DACH1: variants seen among roughly 807,000 people sequenced by gnomAD.
DACH1 encodes dachshund homolog 1.
DACH1 carries 12 observed loss-of-function variants against 54.2 expected under a neutral mutation model. That is an observed-to-expected ratio of 0.22 (90% CI 0.14 to 0.36). DACH1 has a LOEUF of 0.36. Among genes scored for constraint, DACH1 ranks in the 10% least tolerant of loss-of-function variants. The probability of loss-of-function intolerance (pLI) is 1.00; values close to 1 mark genes in which losing one functional copy is unlikely to be tolerated. For synonymous variants in DACH1, 386 were observed against 366.2 expected (o/e 1.05, Z -0.62); for missense variants, 805 against 929.8 (o/e 0.87, Z 1.75).
At position 71,477,104 on chromosome 13, in the gene DACH1, A is replaced by T. The variant is rs867970513; in HGVS notation, c.1871-1255T>A. ...ATTATATATATATATATATATATATATTTTTTTTTTTTTTTTTTTTTTTTT... is the reference window on the plus strand; with the variant it reads ...ATTATATATATATATATATATATATTTTTTTTTTTTTTTTTTTTTTTTTTT... On this transcript the variant is annotated intron_variant, in intron 8 of 10. Coordinates refer to ENST00000613252, the MANE Select transcript of DACH1 (RefSeq NM_080759.6). Among the ~76,000 whole-genome samples the T allele has an allele frequency of 5.3e-3, 228 of 43,250 alleles. 15 individuals are homozygous for T. The highest frequency in any genetic ancestry group is 0.018 in the African/African-American group (214 of 11,642). The allele number at this position is 43,250 out of a possible 152,430, so 28.4% of individuals were successfully genotyped here. A position where few individuals can be genotyped will look rare whatever the true frequency, so the allele number is the denominator to read the frequency against.
At chr13:71,641,192 A>T (rs933539000) in intron 2 of DACH1, among the ~76,000 whole-genome samples, 7 of 152,120 alleles carry the variant, frequency 4.6e-5, no homozygotes, top group African/African-American at 1.7e-4. Context: ...ATGTTTTTCA[A>T]GGAAAAGACT....
chr13:71,559,819 C>T lies in DACH1; in HGVS notation c.1435+1G>A. 6.2e-7 allele frequency: 1 copy of T among 1,613,658 alleles called. No individual in the cohort carries two copies. On this transcript the variant is annotated splice_donor_variant, in intron 5 of 10. Coordinates refer to ENST00000613252, the MANE Select transcript of DACH1 (RefSeq NM_080759.6). LOFTEE classifies it high-confidence loss of function. ...GTGACAAGTAGAAGTATGAGACCTA[C>T]GGATTCTGTCAGAAGAGCTCTCAGT...
At chr13:71,828,568 A>C (rs571876959) in intron 1 of DACH1, among the ~76,000 whole-genome samples, 4 of 152,150 alleles carry the variant, frequency 2.6e-5, no homozygotes, top group Admixed American at 2.6e-4. Flanking sequence ...TCAACCATGA[A>C]ACATTAGCGT....
At chr13:71,524,362 A>G (rs1881808792) in intron 6 of DACH1, among the ~76,000 whole-genome samples, 1 of 152,174 alleles carries the variant, frequency 6.6e-6, no homozygotes, top group African/African-American at 2.4e-5. Context: ...ATTTCAATTA[A>G]TACAGGAAAT....
intron 10 of DACH1, among the ~76,000 whole-genome samples, chr13:71,468,838 T>C (rs1433295789): frequency 6.6e-6 from 1 of 152,176 alleles, no homozygotes; most frequent in African/African-American, 2.4e-5. Context: ...TAGAGTGGGG[T>C]TTCCCCCAGT....
intron 1 of DACH1, among the ~76,000 whole-genome samples, chr13:71,738,779 T>A (rs1286278610): frequency 4.4e-5 from 3 of 67,780 alleles, no homozygotes; most frequent in African/African-American, 4.5e-5. Flanking sequence ...AACTATCAAA[T>A]GCTCAAGAAA....
At chr13:71,673,413 T>C (rs1181411927) in intron 2 of DACH1, among the ~76,000 whole-genome samples, 2 of 152,030 alleles carry the variant, frequency 1.3e-5, no homozygotes, top group Non-Finnish European at 2.9e-5. Flanking sequence ...TTCAGTTAAC[T>C]TAAGAAATAT....
intron 10 of DACH1, chr13:71,464,720 G>T (rs867963355): frequency 2.2e-6 from 1 of 454,692 alleles, no homozygotes; most frequent in Non-Finnish European, 4.4e-6. Flanking sequence ...CTGTTTTGAT[G>T]TATAATCTTG....
chr13:71,568,777 C>T (rs1204797068), intron 4 of DACH1, among the ~76,000 whole-genome samples: 2 of 152,010 alleles, frequency 1.3e-5, no homozygotes, highest in Non-Finnish European at 2.9e-5. Flanking sequence ...GTCTAAGTTG[C>T]TTTATGTTCT....
chr13:71,635,921 T>C (rs1185556996), intron 2 of DACH1, among the ~76,000 whole-genome samples: 1 of 151,968 alleles, frequency 6.6e-6, no homozygotes, highest in East Asian at 1.9e-4. Context: ...GCTGGGATTA[T>C]AGGCAAACAC....
intron 3 of DACH1, among the ~76,000 whole-genome samples, chr13:71,607,022 G>A (rs1348887102): frequency 3.3e-5 from 5 of 152,076 alleles, no homozygotes; most frequent in African/African-American, 1.2e-4. Flanking sequence ...GGGAACAAAG[G>A]AATTCTTTCA....
Position 71,475,164 on chromosome 13 carries a change from G to C in DACH1, c.2060C>G (p.Thr687Arg). Reference sequence around the variant, plus strand: ...ACCTTGTATTGTCCTTTCAGCATCTGTTCTGCCGCCACTGCGGTCAGCCTC... The same window carrying C: ...ACCTTGTATTGTCCTTTCAGCATCTCTTCTGCCGCCACTGCGGTCAGCCTC... ...EIEADRSGGR[T>R]DAERTIQDGR... Residue 687 changes from threonine to arginine, a missense_variant, in exon 10 of 11, where the codon ACA becomes AGA. This residue lies in a region of DACH1 where 472 missense variants were observed against 545.3 expected (regional missense o/e 0.87). Transcript: ENST00000613252. 1 of 1,613,924 alleles carries C rather than the reference G, an allele frequency of 6.2e-7. No individual in the cohort carries two copies. Among genetic ancestry groups the C allele is most frequent in the Non-Finnish European group, 8.5e-7 (1 of 1,179,872 alleles).
At chr13:71,481,778 G>C (rs1878054191) in intron 7 of DACH1, among the ~76,000 whole-genome samples, 1 of 152,104 alleles carries the variant, frequency 6.6e-6, no homozygotes, top group Non-Finnish European at 1.5e-5. Context: ...CAGGGGGCTG[G>C]GAAAAGCAAT....
chr13:71,831,465 T>C (rs1327609424), intron 1 of DACH1, among the ~76,000 whole-genome samples: 3 of 151,952 alleles, frequency 2.0e-5, no homozygotes, highest in Non-Finnish European at 2.9e-5. Flanking sequence ...TAAATGCATG[T>C]TGTCTTTCAT....
rs528481461 is a variant in DACH1, at chr13:71,749,638, A to G, written c.849-67728T>C. ...TGAGAAAATTACAGGCATTCCCTTAAGTGCACAATTAAGGAATCATCCCTC... is the reference window on the plus strand; with the variant it reads ...TGAGAAAATTACAGGCATTCCCTTAGGTGCACAATTAAGGAATCATCCCTC... On this transcript the variant is annotated intron_variant, in intron 1 of 10. Transcript: ENST00000613252. 1.4e-3 allele frequency among the ~76,000 whole-genome samples: 215 copies of G among 152,284 alleles called. 1 individual carries two copies. The highest frequency in any genetic ancestry group is 4.7e-3 in the African/African-American group (195 of 41,560).
chr13:71,747,892 C>G (rs1308626220), intron 1 of DACH1, among the ~76,000 whole-genome samples: 3 of 152,068 alleles, frequency 2.0e-5, no homozygotes, highest in African/African-American at 7.2e-5. Context: ...TTGGAGACCA[C>G]CCTGGTCCAT....
intron 1 of DACH1, among the ~76,000 whole-genome samples, chr13:71,720,513 A>G (rs1460287882): frequency 6.6e-6 from 1 of 152,200 alleles, no homozygotes; most frequent in East Asian, 1.9e-4. Context: ...TTGACTAACT[A>G]AATTAAAATG....
intron 1 of DACH1, among the ~76,000 whole-genome samples, chr13:71,787,318 T>G (rs1886634458): frequency 6.6e-6 from 1 of 152,224 alleles, no homozygotes; most frequent in South Asian, 2.1e-4. Flanking sequence ...AAAGTCTAGT[T>G]GTGTTACTTT....
intron 1 of DACH1, among the ~76,000 whole-genome samples, chr13:71,803,148 G>A (rs1332054626): frequency 6.6e-6 from 1 of 152,076 alleles, no homozygotes; most frequent in African/African-American, 2.4e-5. Context: ...ATGGGAACAA[G>A]ATACCAATTT....
Sources: allele counts gnomAD v4.1 joint callset (sites outside exome capture counted in the v4.1 genomes callset), GRCh38; gene constraint gnomAD v4.1.1; regional missense constraint gnomAD v4.1.1; transcripts MANE v1.5; gene names NCBI Gene and HGNC (gene_info 2026-07-23, HGNC 2026-07-21).